The following TEAD2 variants were observed in gnomAD, a reference collection of about 807,000 sequenced individuals.
TEAD2 encodes transcriptional enhancer factor TEF-4.
TEAD2 carries 51 observed loss-of-function variants against 61.4 expected under a neutral mutation model. That is an observed-to-expected ratio of 0.83 (90% CI 0.66 to 1.05). The LOEUF (loss-of-function observed/expected upper bound fraction) is 1.05. TEAD2 is among the 50% of genes least tolerant of loss of function. TEAD2 has a pLI of 0.00. For missense variants in TEAD2, 509 were observed against 600.0 expected (o/e 0.85, Z 1.58); for synonymous variants, 244 against 243.2 (o/e 1.00, Z -0.03).
At chr19:49,360,135 T>C (rs963189977) in intron 1 of TEAD2, 54 bp from the exon 2 acceptor site, 2 of 1,446,586 alleles carry the variant, frequency 1.4e-6, no homozygotes, top group Non-Finnish European at 1.9e-6. Flanking sequence ...CTCAAGGGAC[T>C]TGAAGCTGAG....
rs151203624 is a variant in TEAD2, at chr19:49,344,882, G to C, written c.922-1484C>G. ...CTGGCCAAGTGTCACTAGGCCAAGT[G>C]GGGCCTAAGGAAGCCTAAGAGCTCA... On this transcript the variant is annotated intron_variant, in intron 10 of 12. Transcript: ENST00000593945. Among the ~76,000 whole-genome samples, 463 of 152,278 alleles carry C rather than the reference G, an allele frequency of 3.0e-3. 3 individuals carry two copies. Among genetic ancestry groups the C allele is most frequent in the African/African-American group, 0.011 (439 of 41,546 alleles).
rs1329997633 is a variant in TEAD2 at position 49,342,506 on chromosome 19, G to T, written c.1174C>A (p.His392Asn). The T allele has an allele frequency of 1.2e-6, 2 of 1,614,216 alleles. No individual in the cohort carries two copies. The highest frequency in any genetic ancestry group is 3.3e-5 in the Admixed American group (2 of 60,018). The change falls in exon 12 of 13, where the codon CAC (histidine) becomes AAC (asparagine). Residue 392 changes from histidine (H) to asparagine (N), a missense_variant. Transcript: ENST00000593945. ...PMCEYLVNFL[H>N]KLRQLPERYM... is the part of the protein sequence containing the mutation. ...CGCTCAGGCAGCTGCCGCAACTTGT[G>T]CAAGAAATTCACCAGGTACTCGCAC...
In TEAD2 at chr19:49,342,638, C is replaced by G. The variant is rs8108669; in HGVS notation, c.1090-48G>C. 3.1e-6 allele frequency: 5 copies of G among 1,593,620 alleles called. No individual in the cohort carries two copies. In the Admixed American group the frequency reaches 5.0e-5, roughly 16 times the overall value. ...GGGAAAATGGTGGCTGAGAGACCCACGGGTCACCCCAGGAATTGAGCTCCA... is the reference window on the plus strand; with the variant it reads ...GGGAAAATGGTGGCTGAGAGACCCAGGGGTCACCCCAGGAATTGAGCTCCA... On this transcript the variant is annotated intron_variant, in intron 11 of 12. Transcript: ENST00000593945.
Position 49,357,244 on chromosome 19 carries a change from G to C in TEAD2, c.360+8C>G. On this transcript the variant is annotated splice_region_variant and intron_variant, in intron 4 of 12. Coordinates refer to ENST00000593945, the MANE Select transcript of TEAD2 (RefSeq NM_001256660.2). Reference sequence around the variant, plus strand: ...TCCCCCTCTCAGGATGTCTGCATTGGTCCCTACCTTCAACTTGGACTGGAT... The same window carrying C: ...TCCCCCTCTCAGGATGTCTGCATTGCTCCCTACCTTCAACTTGGACTGGAT... The C allele has an allele frequency of 2.5e-6, 4 of 1,611,792 alleles. No homozygotes were observed. Among genetic ancestry groups the C allele is most frequent in the Non-Finnish European group, 3.4e-6 (4 of 1,179,508 alleles).
intron 7 of TEAD2, among the ~76,000 whole-genome samples, chr19:49,354,444 C>CA (rs1456976623): frequency 6.6e-6 from 1 of 150,808 alleles, no homozygotes; most frequent in Non-Finnish European, 1.5e-5. Flanking sequence ...GCTGAGGCTG[C>CA]AGTGAGCCAT....
intron 3 of TEAD2, among the ~76,000 whole-genome samples, chr19:49,358,992 A>G (rs1404247169): frequency 1.3e-5 from 2 of 151,730 alleles, no homozygotes; most frequent in Admixed American, 6.6e-5. Flanking sequence ...CAATCCCAGC[A>G]CTTTGGGGGG....
chr19:49,343,122 C>A (rs1971405836), intron 11 of TEAD2, 109 bp downstream of exon 11: 4 of 1,322,840 alleles, frequency 3.0e-6, no homozygotes, highest in Non-Finnish European at 4.1e-6. Context: ...CTCAAAGAGG[C>A]TGGGACCCAC....
intron 1 of TEAD2, chr19:49,361,609 C>G (rs1972943673): frequency 6.6e-6 from 1 of 152,172 alleles, no homozygotes; most frequent in Non-Finnish European, 1.5e-5. Flanking sequence ...CCCCGCCCCT[C>G]CCCTCCCCCG....
rs373383660 is a variant in TEAD2, at chr19:49,360,043, G to A, written c.33C>T (p.Asp11=). The change falls in exon 2 of 13, where the codon GAC becomes GAT. Residue 11 remains aspartate, a synonymous_variant. Coordinates refer to ENST00000593945, the MANE Select transcript of TEAD2 (RefSeq NM_001256660.2). MGEPRAGAAL[D]DGSGWTGSEE... ...CACTGCCCGTCCAGCCGCTGCCATC[G>A]TCCAGGGCGGCCCCAGCCCGGGGTT... 2.5e-6 allele frequency: 4 copies of A among 1,607,606 alleles called. No homozygotes were observed. Among genetic ancestry groups the A allele is most frequent in the East Asian group, 2.2e-5 (1 of 44,880 alleles).
intron 4 of TEAD2, 24 bp downstream of exon 4, chr19:49,357,228 C>G (rs746888518): frequency 6.2e-7 from 1 of 1,602,466 alleles, no homozygotes; most frequent in South Asian, 1.1e-5. Context: ...GTCCCCCTCT[C>G]AGGATGTCTG....
intron 10 of TEAD2, among the ~76,000 whole-genome samples, chr19:49,344,187 C>T (rs999645107): frequency 2.6e-5 from 4 of 151,780 alleles, no homozygotes; most frequent in African/African-American, 4.8e-5. Flanking sequence ...GAAGATCCAC[C>T]GTCCATCAGC....
At chr19:49,350,078 G>T (rs1971913957) in intron 8 of TEAD2, among the ~76,000 whole-genome samples, 1 of 152,112 alleles carries the variant, frequency 6.6e-6, no homozygotes, top group Admixed American at 6.6e-5. Context: ...GAAACTAAGG[G>T]ACTCCCTCTT....
chr19:49,360,480 G>C (rs1367672821), intron 1 of TEAD2: 10 of 224,612 alleles, frequency 4.5e-5, no homozygotes, highest in Non-Finnish European at 7.0e-5. Context: ...AGTGTTCTCA[G>C]AGTTTCCAGA....
intron 9 of TEAD2, among the ~76,000 whole-genome samples, chr19:49,348,008 T>C (rs1043003461): frequency 6.6e-6 from 1 of 152,210 alleles, no homozygotes; most frequent in African/African-American, 2.4e-5. Context: ...TGACCAGGCC[T>C]GAGAGTCGAC....
chr19:49,359,394 C>T lies in TEAD2; in HGVS notation c.297+41G>A, dbSNP rs374092655. ...CATGCGAGGATGACCCTAAGAAGACCGGCCCATCCCAGACAGAAGCCCACA... is the reference window on the plus strand; with the variant it reads ...CATGCGAGGATGACCCTAAGAAGACTGGCCCATCCCAGACAGAAGCCCACA... On this transcript the variant is annotated intron_variant, in intron 3 of 12. Coordinates refer to ENST00000593945, the MANE Select transcript of TEAD2 (RefSeq NM_001256660.2). This position sits in a 1 kb window ranked among gnomAD's most constrained non-coding sequence, Gnocchi z 4.1. 1.8e-5 allele frequency: 28 copies of T among 1,598,784 alleles called. No homozygotes were observed. Among genetic ancestry groups the T allele is most frequent in the East Asian group, 1.6e-4 (7 of 44,798 alleles).
In TEAD2 at chr19:49,359,915, T is replaced by C. The variant is rs776627526; in HGVS notation, c.161A>G (p.Gln54Arg). 2 of 1,613,306 alleles carry C rather than the reference T, an allele frequency of 1.2e-6. No homozygotes were observed. Among genetic ancestry groups the C allele is most frequent in the Non-Finnish European group, 8.5e-7 (1 of 1,180,024 alleles). The change falls in exon 2 of 13, where the codon CAG becomes CGG. Residue 54 changes from glutamine (Q) to arginine (R), a missense_variant. Coordinates refer to ENST00000593945, the MANE Select transcript of TEAD2 (RefSeq NM_001256660.2). The surrounding 1 kb of genome is among the most constrained non-coding windows in gnomAD (Gnocchi z 4.1). ...VWSPDIEQSF[Q>R]EALAIYPPCG... ...GGGTGGATAGATGGCCAGGGCCTCC[T>C]GGAAGCTCTGCTCAATGTCTGGGCT...
chr19:49,351,294 C>T lies in TEAD2; in HGVS notation c.604+7G>A. On this transcript the variant is annotated splice_region_variant and intron_variant, in intron 8 of 12. Transcript: ENST00000593945. ...GAGACAAGGGAGGGTGGAGCGCAGG[C>T]TCTTACCTGGGAGGTCAGTAGATGG... The T allele has an allele frequency of 1.9e-6, 3 of 1,610,318 alleles. No homozygotes were observed. The highest frequency in any genetic ancestry group is 1.7e-6 in the Non-Finnish European group (2 of 1,178,660).
intron 10 of TEAD2, among the ~76,000 whole-genome samples, chr19:49,343,726 G>A (rs1218767224): frequency 1.3e-5 from 2 of 149,722 alleles, no homozygotes; most frequent in African/African-American, 2.5e-5. Context: ...CAACGAGAGC[G>A]AAACTCCATC....
rs1971221559 is a variant in TEAD2 at position 49,340,949 on chromosome 19, T to A, written c.*375A>T. On this transcript the variant is annotated 3_prime_UTR_variant, in exon 13 of 13. Transcript: ENST00000593945. ...TAAAGGGGACAAGCCAATGTGTAAC[T>A]AGCGCTCTCCAAGACATGCAGAGGA... is the stretch of plus-strand genomic sequence containing the variant. 9.4e-6 allele frequency: 2 copies of A among 211,914 alleles called. No individual in the cohort carries two copies. The highest frequency in any genetic ancestry group is 1.9e-5 in the Non-Finnish European group (2 of 104,226). The allele number at this position is 211,914 out of a possible 1,614,324, so 13.1% of individuals were successfully genotyped here.
Sources: allele counts gnomAD v4.1 joint callset (sites outside exome capture counted in the v4.1 genomes callset), GRCh38; gene constraint gnomAD v4.1.1; non-coding constraint Gnocchi (gnomAD v3.1); transcripts MANE v1.5; gene names NCBI Gene and HGNC (gene_info 2026-07-23, HGNC 2026-07-21).